Variants in SLC5A4 observed in about 807,000 individuals in gnomAD.
The protein encoded by SLC5A4 is solute carrier family 5 member 4, also known as probable glucose sensor protein SLC5A4.
In SLC5A4, 55 loss-of-function variants were observed where a neutral mutation model predicts 70.3. That is an observed-to-expected ratio of 0.78 (90% CI 0.63 to 0.98). The LOEUF is 0.98. SLC5A4 is among the 50% of genes least tolerant of loss of function. The pLI, the probability that SLC5A4 is intolerant of heterozygous loss-of-function variation, is 0.00. For missense variants in SLC5A4, 735 were observed against 839.2 expected (o/e 0.88, Z 1.53); for synonymous variants, 268 against 305.7 (o/e 0.88, Z 1.29).
chr22:32,333,000 T>C, the SLC5A4 span, among the ~76,000 whole-genome samples: 4 of 152,208 alleles, frequency 2.6e-5, 1 homozygote, highest in Admixed American at 1.3e-4. Context: ...GCATCTCCAT[T>C]AGCCAGATAG....
At chr22:32,267,838 G>C in the SLC5A4 span, among the ~76,000 whole-genome samples, 5 of 152,192 alleles carry the variant, frequency 3.3e-5, no homozygotes, top group Admixed American at 6.5e-5. Flanking sequence ...AAACAATCAA[G>C]TCCTGGCTGG....
At chr22:32,318,553 G>T in the SLC5A4 span, among the ~76,000 whole-genome samples, 1 of 152,044 alleles carries the variant, frequency 6.6e-6, no homozygotes, top group Non-Finnish European at 1.5e-5. Flanking sequence ...ATCCAACCCA[G>T]GAGCAAATCC....
At chr22:32,272,229 G>GTGAC in the SLC5A4 span, 3 of 776,156 alleles carry the variant, frequency 3.9e-6, no homozygotes, top group South Asian at 4.2e-5. Context: ...GATCATGGAT[G>GTGAC]TGACTGAGGT....
chr22:32,232,856 T>A (rs762374608), intron 9 of SLC5A4, 43 bp downstream of exon 9: 11 of 1,577,822 alleles, frequency 7.0e-6, no homozygotes, highest in Non-Finnish European at 9.5e-6. Flanking sequence ...CTTATCAGAA[T>A]ACAAGCATAA....
chr22:32,301,123 C>A, the SLC5A4 span, among the ~76,000 whole-genome samples: 186 of 152,208 alleles, frequency 1.2e-3, 2 homozygotes, highest in Middle Eastern at 3.4e-3. Flanking sequence ...CCACTGCGCC[C>A]GGCTAATTTT....
At chr22:32,253,717 G>A (rs755755879) in intron 2 of SLC5A4, among the ~76,000 whole-genome samples, 22 of 152,122 alleles carry the variant, frequency 1.4e-4, no homozygotes, top group Non-Finnish European at 2.9e-4. Flanking sequence ...TTTAGGAAAG[G>A]AGCCCCAGCG....
the SLC5A4 span, chr22:32,272,517 G>A: frequency 1.5e-6 from 1 of 684,058 alleles, no homozygotes; most frequent in Non-Finnish European, 2.7e-6. Flanking sequence ...CAGGAGGAGA[G>A]CAAGACGCTG....
At chr22:32,273,557 T>G in the SLC5A4 span, 1 of 152,882 alleles carries the variant, frequency 6.5e-6, no homozygotes, top group East Asian at 1.9e-4. Flanking sequence ...TAGTATAGTC[T>G]TAATCACATG....
At chr22:32,270,635 A>C in the SLC5A4 span, 1 of 731,700 alleles carries the variant, frequency 1.4e-6, no homozygotes, top group South Asian at 1.4e-5. Flanking sequence ...TTTGCCGAAA[A>C]CATCGGGGAC....
At chr22:32,307,699 C>CCTAGT in the SLC5A4 span, among the ~76,000 whole-genome samples, 1 of 152,222 alleles carries the variant, frequency 6.6e-6, no homozygotes, top group African/African-American at 2.4e-5. Context: ...CAGCAAGGAA[C>CCTAGT]TAGGGCACTG....
At chr22:32,349,853 G>C in the SLC5A4 span, among the ~76,000 whole-genome samples, 1 of 151,972 alleles carries the variant, frequency 6.6e-6, no homozygotes, top group African/African-American at 2.4e-5. Context: ...TTCTACTTTA[G>C]GACAAGAATT....
intron 5 of SLC5A4, among the ~76,000 whole-genome samples, chr22:32,245,693 G>C (rs1429803270): frequency 1.3e-5 from 2 of 152,234 alleles, no homozygotes; most frequent in African/African-American, 2.4e-5. Context: ...GCTAATTTTT[G>C]TATGTTTAGT....
the SLC5A4 span, among the ~76,000 whole-genome samples, chr22:32,307,377 T>C: frequency 6.6e-6 from 1 of 152,258 alleles, no homozygotes; most frequent in Admixed American, 6.5e-5. Flanking sequence ...GTCACTTTCA[T>C]GGGTGGGACT....
chr22:32,330,796 GGGCTCTGGTGTGTGTTTTGGGA>G, the SLC5A4 span, among the ~76,000 whole-genome samples: 14 of 53,252 alleles, frequency 2.6e-4, no homozygotes, highest in South Asian at 9.6e-3. Context: ...TGTGTGTTGG[GGGCTCTGGTGTGTGTTTTGGGA>G]GGCTCTGGTG....
At chr22:32,221,420 C>T (rs530144372) in intron 13 of SLC5A4, among the ~76,000 whole-genome samples, 3 of 152,276 alleles carry the variant, frequency 2.0e-5, no homozygotes, top group African/African-American at 7.2e-5. Context: ...AACTTTCAAA[C>T]TATCTTCTTA....
chr22:32,221,035 C>G lies in SLC5A4; in HGVS notation c.1666-13G>C, dbSNP rs1235641694. The G allele has an allele frequency of 6.4e-7, 1 of 1,572,362 alleles. No individual in the cohort carries two copies. ...ACAGGCGGTACAGCTGAACAGGGAC[C>G]ATACAAAAGTGCATTAGTAATAGGC... On this transcript the variant is annotated splice_polypyrimidine_tract_variant and intron_variant, in intron 13 of 14. Coordinates refer to ENST00000266086, the MANE Select transcript of SLC5A4 (RefSeq NM_014227.3).
the SLC5A4 span, among the ~76,000 whole-genome samples, chr22:32,273,852 A>G: frequency 1.9e-3 from 294 of 152,366 alleles, 2 homozygotes; most frequent in African/African-American, 6.6e-3. Context: ...ATTACAGATT[A>G]TAAAATTACA....
chr22:32,286,331 A>G, the SLC5A4 span, among the ~76,000 whole-genome samples: 3 of 152,140 alleles, frequency 2.0e-5, no homozygotes, highest in Non-Finnish European at 4.4e-5. Context: ...GTACAACGCT[A>G]TTTCTGGAAT....
chr22:32,269,132 C>T, the SLC5A4 span, among the ~76,000 whole-genome samples: 2 of 152,208 alleles, frequency 1.3e-5, no homozygotes, highest in African/African-American at 2.4e-5. The surrounding 1 kb of genome is among the most constrained non-coding windows in gnomAD (Gnocchi z 4.1). Context: ...ACCTTGTGAT[C>T]TGCCCACCCT....
Sources: gnomAD v4.1 joint callset for allele counts (sites outside exome capture counted in the v4.1 genomes callset) on GRCh38, gnomAD v4.1.1 for gene constraint, Gnocchi (gnomAD v3.1) non-coding constraint, MANE v1.5 for transcripts, NCBI Gene and HGNC (gene_info 2026-07-23, HGNC 2026-07-21) for gene names.